Variants in ABCD3 observed in about 807,000 individuals in gnomAD.
ABCD3 encodes ATP binding cassette subfamily D member 3.
ABCD3 carries 41 observed loss-of-function variants against 105.5 expected under a neutral mutation model. That is an observed-to-expected ratio of 0.39 (90% CI 0.30 to 0.50). The LOEUF is 0.50. ABCD3 is among the 20% of genes least tolerant of loss of function. The probability of loss-of-function intolerance (pLI) is 0.84; values close to 1 mark genes in which losing one functional copy is unlikely to be tolerated. For missense variants in ABCD3, 622 were observed against 806.3 expected (o/e 0.77, Z 2.77); for synonymous variants, 258 against 269.0 (o/e 0.96, Z 0.40).
chr1:94,457,035 T>C (rs954936186), intron 1 of ABCD3, among the ~76,000 whole-genome samples: 3 of 152,180 alleles, frequency 2.0e-5, no homozygotes, highest in African/African-American at 7.2e-5. Context: ...TAGCCAGCCA[T>C]TTATATGTCT....
intron 2 of ABCD3, among the ~76,000 whole-genome samples, chr1:94,462,472 C>G (rs1647927170): frequency 6.6e-6 from 1 of 152,080 alleles, no homozygotes; most frequent in Non-Finnish European, 1.5e-5. Flanking sequence ...TTGCAGAAAA[C>G]AATGATAATT....
the ABCD3 span, among the ~76,000 whole-genome samples, chr1:94,408,963 A>G: frequency 6.6e-6 from 1 of 152,074 alleles, no homozygotes; most frequent in Non-Finnish European, 1.5e-5. Flanking sequence ...ATACACTCCT[A>G]TGCGCTTTCT....
At chr1:94,501,962 C>A (rs1021518228) in intron 20 of ABCD3, among the ~76,000 whole-genome samples, 3 of 151,642 alleles carry the variant, frequency 2.0e-5, no homozygotes, top group Admixed American at 6.6e-5. Context: ...CCTTTCCTTA[C>A]AATTGTTCAG....
At chr1:94,478,932 TTCTTTGAGTTA>T (rs1648898443) in intron 8 of ABCD3, among the ~76,000 whole-genome samples, 1 of 152,210 alleles carries the variant, frequency 6.6e-6, no homozygotes, top group Non-Finnish European at 1.5e-5. Flanking sequence ...CTTTTAAGTT[TTCTTTGAGTTA>T]TCTTATTGAA....
At chr1:94,394,124 G>T in the ABCD3 span, among the ~76,000 whole-genome samples, 1 of 152,180 alleles carries the variant, frequency 6.6e-6, no homozygotes, top group African/African-American at 2.4e-5. Context: ...TGGTGTTTCA[G>T]ACCTTTAAAC....
At chr1:94,392,370 G>A in the ABCD3 span, among the ~76,000 whole-genome samples, 5 of 152,280 alleles carry the variant, frequency 3.3e-5, no homozygotes, top group South Asian at 2.1e-4. Context: ...ATGCAGAATG[G>A]TGCCTACAGT....
intron 1 of ABCD3, among the ~76,000 whole-genome samples, chr1:94,435,604 G>C (rs932423639): frequency 3.3e-5 from 5 of 152,254 alleles, no homozygotes; most frequent in Non-Finnish European, 7.4e-5. Context: ...TTGACACCTA[G>C]ATCAGTGAAT....
Position 94,510,828 on chromosome 1 carries a change from G to C in ABCD3, c.1845+4186G>C, listed in dbSNP as rs562388216. Among the ~76,000 whole-genome samples the C allele has an allele frequency of 5.3e-5, 8 of 151,180 alleles. No individual in the cohort carries two copies. The East Asian group carries it at 1.4e-3, about 26-fold the overall frequency. ...GGATCACAACCCCTGCCTTTTTTTT[G>C]TTTTCCATTTGCTTGGTAGATCTTC... On this transcript the variant is annotated intron_variant, in intron 21 of 22. Coordinates refer to ENST00000370214, the MANE Select transcript of ABCD3 (RefSeq NM_002858.4).
chr1:94,477,417 C>T lies in ABCD3; in HGVS notation c.628-842C>T, dbSNP rs577863930. Among the ~76,000 whole-genome samples the T allele has an allele frequency of 8.8e-4, 134 of 151,928 alleles. 1 individual carries two copies. The highest frequency in any genetic ancestry group is 3.1e-3 in the African/African-American group (127 of 41,438). The stretch of plus-strand genomic sequence containing the variant: ...CCAAGGTGGGCAGATCGCTTGAGCC[C>T]AGGAGTTCAAGACTATCCTGGGCAA... On this transcript the variant is annotated intron_variant, in intron 7 of 22. Transcript: ENST00000370214.
intron 1 of ABCD3, among the ~76,000 whole-genome samples, chr1:94,428,531 C>T (rs1477280170): frequency 2.6e-5 from 4 of 152,048 alleles, no homozygotes; most frequent in Admixed American, 2.0e-4. Context: ...AGACATAGTA[C>T]GATATGGTTT....
At chr1:94,421,410 T>C (rs1356379601) in intron 1 of ABCD3, among the ~76,000 whole-genome samples, 1 of 152,240 alleles carries the variant, frequency 6.6e-6, no homozygotes, top group Non-Finnish European at 1.5e-5. Context: ...CCAGCACTGC[T>C]AAGCTAACTT....
intron 2 of ABCD3, among the ~76,000 whole-genome samples, chr1:94,461,980 A>G (rs1254467722): frequency 6.6e-6 from 1 of 152,202 alleles, no homozygotes; most frequent in Non-Finnish European, 1.5e-5. Flanking sequence ...TTTTACTGCT[A>G]TTTCAAACAT....
intron 1 of ABCD3, among the ~76,000 whole-genome samples, chr1:94,452,814 G>A (rs1457506456): frequency 2.0e-5 from 3 of 151,934 alleles, no homozygotes; most frequent in African/African-American, 2.4e-5. Flanking sequence ...TCAGCTCACC[G>A]CAACTTCCGC....
intron 2 of ABCD3, among the ~76,000 whole-genome samples, chr1:94,459,215 TTC>T (rs1647747486): frequency 6.6e-6 from 1 of 151,928 alleles, no homozygotes; most frequent in Non-Finnish European, 1.5e-5. Context: ...TGGCTCTGTT[TTC>T]TCTAGTACAC....
chr1:94,447,476 AT>A (rs1284327422), intron 1 of ABCD3, among the ~76,000 whole-genome samples: 1 of 152,218 alleles, frequency 6.6e-6, no homozygotes, highest in Non-Finnish European at 1.5e-5. Context: ...AATGGTTTGC[AT>A]TTACAATTCC....
At chr1:94,473,245 C>T (rs1438409043) in intron 4 of ABCD3, among the ~76,000 whole-genome samples, 2 of 152,132 alleles carry the variant, frequency 1.3e-5, no homozygotes, top group African/African-American at 4.8e-5. Context: ...TTTTGTTTTA[C>T]AGTGGCAGAA....
chr1:94,389,004 C>T, the ABCD3 span, among the ~76,000 whole-genome samples: 1 of 152,110 alleles, frequency 6.6e-6, no homozygotes, highest in Non-Finnish European at 1.5e-5. Context: ...CCATATTGGG[C>T]AAGCTTTGCC....
intron 8 of ABCD3, chr1:94,478,527 C>T (rs1276173017): frequency 1.9e-6 from 3 of 1,592,928 alleles, no homozygotes; most frequent in East Asian, 2.3e-5. Context: ...AAATTAGGTA[C>T]TTGGAAAAAT....
chr1:94,475,462 A>G (rs1454943458), intron 6 of ABCD3, 152 bp from the exon 7 acceptor site: 9 of 839,950 alleles, frequency 1.1e-5, no homozygotes, highest in Non-Finnish European at 1.7e-5. Flanking sequence ...CTCCTCTCTA[A>G]AAATCAGTTA....
Sources: allele counts gnomAD v4.1 joint callset (sites outside exome capture counted in the v4.1 genomes callset), GRCh38; gene constraint gnomAD v4.1.1; transcripts MANE v1.5; gene names NCBI Gene and HGNC (gene_info 2026-07-23, HGNC 2026-07-21).